MGAT4C: variants seen among roughly 807,000 people sequenced by gnomAD.
MGAT4C encodes the protein alpha-1,3-mannosyl-glycoprotein 4-beta-N-acetylglucosaminyltransferase C.
A neutral mutation model predicts 40.1 loss-of-function variants in MGAT4C; 19 were observed. That is an observed-to-expected ratio of 0.47 (90% CI 0.33 to 0.70). The LOEUF (loss-of-function observed/expected upper bound fraction) is 0.70. MGAT4C is among the 30% of genes least tolerant of loss of function. The pLI is 0.02. For synonymous variants in MGAT4C, 181 were observed against 187.1 expected (o/e 0.97, Z 0.27); for missense variants, 491 against 563.2 (o/e 0.87, Z 1.30).
chr12:86,633,432 T>A (rs1963123867), intron 2 of MGAT4C, among the ~76,000 whole-genome samples: 1 of 152,058 alleles, frequency 6.6e-6, no homozygotes, highest in East Asian at 1.9e-4. Context: ...TTCCCCAACA[T>A]CTTCTATATC....
chr12:86,007,519 G>A (rs533418036), intron 2 of MGAT4C, among the ~76,000 whole-genome samples: 1 of 152,104 alleles, frequency 6.6e-6, no homozygotes, highest in Non-Finnish European at 1.5e-5. Context: ...TATAATGAAT[G>A]TGCCATTTAA....
rs1168016432 is a variant in MGAT4C, at chr12:86,812,546, CTTCT to C, written c.-262+26116_-262+26119del. Among the ~76,000 whole-genome samples the C allele has an allele frequency of 5.3e-5, 8 of 152,156 alleles. No individual in the cohort carries two copies. The East Asian group carries it at 1.4e-3, about 26-fold the overall frequency. ...AAATGGATCTTCTGTCATTATTAAA[CTTCT>C]TTCTGTCTCTAATAGTTTTCTTGGA... On this transcript the variant is annotated intron_variant, in intron 1 of 7. Transcript: ENST00000548651.
At chr12:86,121,519 C>T (rs1033214766) in intron 1 of MGAT4C, among the ~76,000 whole-genome samples, 3 of 152,128 alleles carry the variant, frequency 2.0e-5, no homozygotes, top group African/African-American at 4.8e-5. Flanking sequence ...ACCCACAAAA[C>T]GAAACCCATC....
intron 2 of MGAT4C, among the ~76,000 whole-genome samples, chr12:86,639,122 A>T (rs138306305): frequency 2.6e-5 from 4 of 151,698 alleles, no homozygotes; most frequent in African/African-American, 9.7e-5. Context: ...CTTTTGGGAC[A>T]CTCTGCTCTC....
intron 3 of MGAT4C, among the ~76,000 whole-genome samples, chr12:86,387,454 A>G (rs73389359): frequency 0.021 from 3,222 of 152,202 alleles, 110 homozygotes; most frequent in African/African-American, 0.072. Context: ...TTTACAAAGC[A>G]TTCATTTTTC....
At chr12:86,039,206 C>A (rs894092721) in intron 2 of MGAT4C, among the ~76,000 whole-genome samples, 2 of 152,014 alleles carry the variant, frequency 1.3e-5, no homozygotes, top group African/African-American at 4.8e-5. Flanking sequence ...CTTGGGGTTG[C>A]TCTTTTCGAG....
rs537549532 is a variant in MGAT4C, at chr12:86,633,635, G to A, written c.-229+93574C>T. 2.6e-5 allele frequency among the ~76,000 whole-genome samples: 4 copies of A among 152,072 alleles called. No homozygotes were observed. In the South Asian group the frequency reaches 8.3e-4, roughly 31 times the overall value. On this transcript the variant is annotated intron_variant, in intron 2 of 7. Coordinates refer to the MGAT4C transcript ENST00000548651. ...TCCCTAACATTTCAGCTTTGCAGTT[G>A]TAGAAAAATGTGCCAGTTCAGTTGC...
intron 4 of MGAT4C, among the ~76,000 whole-genome samples, chr12:86,302,424 G>T (rs1234218312): frequency 7.0e-6 from 1 of 142,344 alleles, no homozygotes; most frequent in Non-Finnish European, 1.5e-5. Flanking sequence ...TTGGTTGGTT[G>T]GGTTTGGTTT....
chr12:86,252,348 G>A (rs980631900), intron 1 of MGAT4C, among the ~76,000 whole-genome samples: 1 of 152,030 alleles, frequency 6.6e-6, no homozygotes, highest in African/African-American at 2.4e-5. Context: ...GCCAAATCAA[G>A]TGTGTTCAGT....
At chr12:86,296,306 G>T (rs537220116) in intron 4 of MGAT4C, among the ~76,000 whole-genome samples, 15 of 152,176 alleles carry the variant, frequency 9.9e-5, no homozygotes, top group Admixed American at 9.2e-4. Flanking sequence ...AACTCTCCAC[G>T]TCCCCACCAG....
At chr12:86,154,580 C>T (rs1884679844) in intron 1 of MGAT4C, among the ~76,000 whole-genome samples, 1 of 152,120 alleles carries the variant, frequency 6.6e-6, no homozygotes, top group Admixed American at 6.5e-5. Flanking sequence ...TCTCACCAGG[C>T]TGAGATCAGT....
intron 2 of MGAT4C, among the ~76,000 whole-genome samples, chr12:86,678,113 G>T (rs529382410): frequency 6.6e-6 from 1 of 152,082 alleles, no homozygotes; most frequent in East Asian, 1.9e-4. Flanking sequence ...TCTCTATTTG[G>T]ATATCTCTGA....
intron 3 of MGAT4C, among the ~76,000 whole-genome samples, chr12:86,351,243 T>C (rs1433560157): frequency 6.6e-6 from 1 of 151,980 alleles, no homozygotes. Flanking sequence ...TGAGACTGTA[T>C]TATAAGACAT....
intron 3 of MGAT4C, chr12:86,334,154 C>G (rs1001223654): frequency 2.0e-5 from 3 of 152,064 alleles, no homozygotes; most frequent in Admixed American, 2.0e-4. Flanking sequence ...TGACAAAAAT[C>G]TTAGTTTCTC....
chr12:86,168,074 A>C (rs1886383355), intron 1 of MGAT4C, among the ~76,000 whole-genome samples: 1 of 151,888 alleles, frequency 6.6e-6, no homozygotes, highest in Non-Finnish European at 1.5e-5. Flanking sequence ...AAATATTCAA[A>C]AGTCAGTGTT....
chr12:86,279,359 T>C (rs1288871305), intron 4 of MGAT4C, among the ~76,000 whole-genome samples: 4 of 152,190 alleles, frequency 2.6e-5, no homozygotes, highest in Non-Finnish European at 4.4e-5. Context: ...GTTCCGGTTT[T>C]GGATTTCTTC....
intron 2 of MGAT4C, among the ~76,000 whole-genome samples, chr12:86,674,985 A>G (rs1445165579): frequency 6.6e-6 from 1 of 152,140 alleles, no homozygotes; most frequent in African/African-American, 2.4e-5. Context: ...AAACACAATT[A>G]ACCTCATTTT....
At chr12:86,454,899 A>C (rs991378329) in intron 2 of MGAT4C, among the ~76,000 whole-genome samples, 11 of 152,120 alleles carry the variant, frequency 7.2e-5, no homozygotes, top group African/African-American at 2.2e-4. Flanking sequence ...CTTTCTCTTA[A>C]CATTATTTTG....
chr12:86,061,044 T>C (rs1291176481), intron 1 of MGAT4C, among the ~76,000 whole-genome samples: 1 of 152,112 alleles, frequency 6.6e-6, no homozygotes, highest in African/African-American at 2.4e-5. Flanking sequence ...TGCTTCACTT[T>C]CAAGAAAAGA....
Sources: allele counts gnomAD v4.1 joint callset (sites outside exome capture counted in the v4.1 genomes callset), GRCh38; gene constraint gnomAD v4.1.1; transcripts MANE v1.5; gene names NCBI Gene and HGNC (gene_info 2026-07-23, HGNC 2026-07-21).